Variants in LRP1B observed in about 807,000 individuals in gnomAD.
LRP1B encodes the protein low-density lipoprotein receptor-related protein 1B.
LRP1B carries 217 observed loss-of-function variants against 556.6 expected under a neutral mutation model. The observed-to-expected ratio is 0.39, with a 90% CI of 0.35 to 0.44. The LOEUF is 0.44. Among genes scored for constraint, LRP1B ranks in the 20% least tolerant of loss-of-function variants. LRP1B has a pLI of 1.00. For missense variants in LRP1B, 5,053 were observed against 5,620.8 expected (o/e 0.90, Z 3.23); for synonymous variants, 2,047 against 1,865.8 (o/e 1.10, Z -2.50).
chr2:140,237,472 C>G (rs555375184), intron 89 of LRP1B, among the ~76,000 whole-genome samples: 1 of 150,922 alleles, frequency 6.6e-6, no homozygotes, highest in East Asian at 2.0e-4. Flanking sequence ...CTTCAATGTA[C>G]TGATTTCCTA....
chr2:140,434,455 A>G (rs1384244630), intron 66 of LRP1B, among the ~76,000 whole-genome samples: 1 of 152,232 alleles, frequency 6.6e-6, no homozygotes, highest in African/African-American at 2.4e-5. Context: ...AATTTCTCTC[A>G]AGATTTTGGA....
chr2:141,773,650 C>T (rs893620154), intron 2 of LRP1B, among the ~76,000 whole-genome samples: 10 of 152,206 alleles, frequency 6.6e-5, no homozygotes, highest in Admixed American at 6.5e-5. Flanking sequence ...TGCTAACTCC[C>T]AAAAGCACAG....
At chr2:141,589,931 T>G (rs1323284056) in intron 2 of LRP1B, among the ~76,000 whole-genome samples, 1 of 152,202 alleles carries the variant, frequency 6.6e-6, no homozygotes, top group East Asian at 1.9e-4. Context: ...ATGAATAATA[T>G]TTTTTGAAAT....
At chr2:141,942,593 C>A (rs1322710744) in intron 1 of LRP1B, among the ~76,000 whole-genome samples, 2 of 152,136 alleles carry the variant, frequency 1.3e-5, no homozygotes, top group Admixed American at 6.6e-5. Flanking sequence ...GTGAAAGGAA[C>A]CTGAAACTGC....
intron 3 of LRP1B, among the ~76,000 whole-genome samples, chr2:141,430,652 G>T (rs1362741791): frequency 1.3e-5 from 2 of 151,782 alleles, no homozygotes; most frequent in Non-Finnish European, 2.9e-5. Flanking sequence ...TTTTAAAAAA[G>T]ATTTTGAGGT....
chr2:141,497,411 G>A (rs1478844010), intron 2 of LRP1B, among the ~76,000 whole-genome samples: 2 of 151,884 alleles, frequency 1.3e-5, no homozygotes, highest in East Asian at 3.9e-4. Context: ...TCCTAATCTG[G>A]GTCTACTTGA....
intron 1 of LRP1B, among the ~76,000 whole-genome samples, chr2:141,852,254 A>T (rs577409684): frequency 1.3e-5 from 2 of 151,870 alleles, no homozygotes; most frequent in African/African-American, 4.8e-5. Context: ...TCTTTTGGTA[A>T]TGACAAAATA....
At chr2:140,333,776 T>C (rs1680937277) in intron 79 of LRP1B, among the ~76,000 whole-genome samples, 3 of 151,960 alleles carry the variant, frequency 2.0e-5, no homozygotes, top group Admixed American at 1.3e-4. Context: ...CAAAGTTAGA[T>C]GTACAAGATG....
At chr2:141,381,638 A>G (rs550694116) in intron 3 of LRP1B, among the ~76,000 whole-genome samples, 51 of 152,250 alleles carry the variant, frequency 3.3e-4, no homozygotes, top group African/African-American at 1.1e-3. Flanking sequence ...ATAGAAAGCA[A>G]TAAGTGAAGA....
At chr2:140,835,406 A>G (rs1317741948) in intron 31 of LRP1B, among the ~76,000 whole-genome samples, 1 of 152,348 alleles carries the variant, frequency 6.6e-6, no homozygotes, top group East Asian at 1.9e-4. Flanking sequence ...CTTCACCTGC[A>G]TAAAGACAAC....
At chr2:140,944,611 C>T (rs1695490425) in intron 20 of LRP1B, among the ~76,000 whole-genome samples, 1 of 152,058 alleles carries the variant, frequency 6.6e-6, no homozygotes, top group African/African-American at 2.4e-5. Flanking sequence ...GTTCAACATA[C>T]TCAAATCAAT....
intron 3 of LRP1B, among the ~76,000 whole-genome samples, chr2:141,452,295 C>A (rs1681450166): frequency 6.6e-6 from 1 of 152,158 alleles, no homozygotes; most frequent in Admixed American, 6.5e-5. Context: ...TGAGCATCTT[C>A]CAAGTCTTGC....
intron 67 of LRP1B, among the ~76,000 whole-genome samples, chr2:140,380,498 G>T (rs1484971805): frequency 1.3e-5 from 2 of 152,026 alleles, no homozygotes; most frequent in African/African-American, 2.4e-5. Flanking sequence ...TTAGAGGAAA[G>T]AAATTATAGT....
intron 35 of LRP1B, among the ~76,000 whole-genome samples, chr2:140,750,859 A>G (rs1175639709): frequency 2.0e-5 from 3 of 152,138 alleles, no homozygotes; most frequent in Non-Finnish European, 4.4e-5. Flanking sequence ...AGCAGTTCTT[A>G]GATGTCTTGA....
intron 27 of LRP1B, among the ~76,000 whole-genome samples, chr2:140,859,385 T>C (rs557155426): frequency 7.9e-4 from 121 of 152,238 alleles, no homozygotes; most frequent in African/African-American, 2.8e-3. Context: ...GGAGTATCAA[T>C]AATATTCTTA....
chr2:141,737,637 AG>A (rs1024470936), intron 2 of LRP1B, among the ~76,000 whole-genome samples: 1 of 152,156 alleles, frequency 6.6e-6, no homozygotes, highest in Non-Finnish European at 1.5e-5. Context: ...AGGAAAACTA[AG>A]GGGCATGGGA....
intron 86 of LRP1B, among the ~76,000 whole-genome samples, chr2:140,251,596 T>G (rs921474839): frequency 1.3e-5 from 2 of 151,924 alleles, no homozygotes; most frequent in Admixed American, 1.3e-4. Context: ...GAATTTATCC[T>G]CTTATACGTA....
At chr2:141,517,289 C>CACACACACATACACACA (rs71281834) in intron 2 of LRP1B, among the ~76,000 whole-genome samples, 1 of 151,762 alleles carries the variant, frequency 6.6e-6, no homozygotes, top group East Asian at 1.9e-4. Flanking sequence ...CACACACACA[C>CACACACACATACACACA]CTTAAAATGG....
At position 140,502,960 on chromosome 2, in the gene LRP1B, T is replaced by C; in HGVS notation, c.8662+3A>G. ...AAATGCGGTATTGTATATATTTCTG[T>C]ACCTGCACTTTTACACTTTGGGTTT... On this transcript the variant is annotated splice_donor_region_variant and intron_variant, in intron 54 of 90. Transcript: ENST00000389484. The C allele has an allele frequency of 6.2e-7, 1 of 1,612,878 alleles. No homozygotes were observed. Among genetic ancestry groups the C allele is most frequent in the South Asian group, 1.1e-5 (1 of 91,054 alleles).
Sources: allele counts gnomAD v4.1 joint callset (sites outside exome capture counted in the v4.1 genomes callset), GRCh38; gene constraint gnomAD v4.1.1; transcripts MANE v1.5; gene names NCBI Gene and HGNC (gene_info 2026-07-23, HGNC 2026-07-21).